Variants in FAM81B observed in about 807,000 individuals in gnomAD.
The protein encoded by FAM81B is protein FAM81B.
FAM81B carries 60 observed loss-of-function variants against 58.7 expected under a neutral mutation model. The ratio of observed to expected loss-of-function variants is 1.02; its 90% CI spans 0.83 to 1.27. FAM81B has a LOEUF of 1.27. Ranked by LOEUF, FAM81B falls within the 50% of genes most tolerant of loss-of-function variation. The pLI is 0.00. For missense variants in FAM81B, 491 were observed against 522.0 expected (o/e 0.94, Z 0.58); for synonymous variants, 189 against 179.6 (o/e 1.05, Z -0.42).
At chr5:95,411,602 T>C (rs1236530047) in intron 3 of FAM81B, among the ~76,000 whole-genome samples, 2 of 152,218 alleles carry the variant, frequency 1.3e-5, no homozygotes, top group African/African-American at 4.8e-5. Context: ...CAACCAGCTT[T>C]ATAACTGTAG....
At chr5:95,414,720 C>T (rs1762493420) in intron 4 of FAM81B, among the ~76,000 whole-genome samples, 1 of 152,182 alleles carries the variant, frequency 6.6e-6, no homozygotes, top group Admixed American at 6.5e-5. Context: ...TCATCTTCCC[C>T]TAGATATTCC....
intron 5 of FAM81B, among the ~76,000 whole-genome samples, chr5:95,427,178 G>A (rs962984079): frequency 6.6e-6 from 1 of 152,184 alleles, no homozygotes; most frequent in African/African-American, 2.4e-5. Context: ...CCCTGAGGGT[G>A]GGAAACAAAA....
intron 6 of FAM81B, among the ~76,000 whole-genome samples, chr5:95,436,440 T>C (rs1745104402): frequency 6.6e-6 from 1 of 152,192 alleles, no homozygotes; most frequent in African/African-American, 2.4e-5. Context: ...TATCTTGTAT[T>C]GTAACGGGAG....
chr5:95,400,857 T>A (rs1037625145), intron 3 of FAM81B, among the ~76,000 whole-genome samples: 2 of 151,956 alleles, frequency 1.3e-5, no homozygotes, highest in Non-Finnish European at 2.9e-5. Context: ...GAGATAGAAC[T>A]TGAACCCAAG....
intron 6 of FAM81B, among the ~76,000 whole-genome samples, chr5:95,432,835 A>G (rs1744956528): frequency 6.6e-6 from 1 of 151,932 alleles, no homozygotes; most frequent in African/African-American, 2.4e-5. Context: ...AAATCCTTTT[A>G]TATATTTTTT....
intron 9 of FAM81B, among the ~76,000 whole-genome samples, chr5:95,449,312 T>A (rs1424135238): frequency 2.0e-5 from 3 of 152,160 alleles, no homozygotes; most frequent in Admixed American, 2.0e-4. Context: ...CCTCACAATA[T>A]ACCCCTCCCA....
chr5:95,399,660 G>A (rs909046919), intron 3 of FAM81B, among the ~76,000 whole-genome samples: 1 of 152,140 alleles, frequency 6.6e-6, no homozygotes, highest in Admixed American at 6.5e-5. Flanking sequence ...GCTCAAGCGT[G>A]AGAACTCCAC....
chr5:95,420,386 C>T lies in FAM81B; in HGVS notation c.640C>T (p.Arg214Ter), dbSNP rs201323524. Residue 214 changes from arginine to a stop codon, truncating the protein, a stop_gained, in exon 5 of 10, where the codon CGA (arginine) becomes TGA (stop). Coordinates refer to ENST00000283357, the MANE Select transcript of FAM81B (RefSeq NM_152548.3). LOFTEE classifies it high-confidence loss of function. ...ACACCTACAAGGAGTTGGAGATCTT[C>T]GAGGAAGAGTAGCCAGGTGAGAAGA... The part of the protein sequence containing the change: ...IKHLQGVGDL[R>*]GRVARCDSSI... 5.3e-5 allele frequency: 85 copies of T among 1,613,594 alleles called. No homozygotes were observed. The African/African-American group carries it at 7.9e-4, about 15-fold the overall frequency.
At chr5:95,440,464 G>A (rs1329560791) in intron 7 of FAM81B, 5 of 635,846 alleles carry the variant, frequency 7.9e-6, no homozygotes, top group Admixed American at 5.6e-5. Context: ...ACAGGATGCA[G>A]TTGCTAAGGC....
intron 3 of FAM81B, among the ~76,000 whole-genome samples, chr5:95,409,085 T>A (rs1762340679): frequency 6.6e-6 from 1 of 152,246 alleles, no homozygotes; most frequent in Non-Finnish European, 1.5e-5. Flanking sequence ...ATTGATTACA[T>A]GTTACAATGA....
intron 3 of FAM81B, 39 bp downstream of exon 3, chr5:95,396,214 G>C (rs1761963062): frequency 6.9e-7 from 1 of 1,459,424 alleles, no homozygotes; most frequent in Non-Finnish European, 9.4e-7. Context: ...ACTATTAACT[G>C]CATTTATTGT....
In FAM81B at chr5:95,419,107, C is replaced by A. The variant is rs888344763; in HGVS notation, c.538-1177C>A. On this transcript the variant is annotated intron_variant, in intron 4 of 9. Transcript: ENST00000283357. ...TCACTGTCTTTACCAAAACAGAAAA[C>A]AAAATACCTGCATACATGCAAAAAG... Among the ~76,000 whole-genome samples, 18 of 152,030 alleles carry A rather than the reference C, an allele frequency of 1.2e-4. 1 individual carries two copies. Among genetic ancestry groups the A allele is most frequent in the Admixed American group, 9.2e-4 (14 of 15,276 alleles).
rs746583579 is a variant in FAM81B, at chr5:95,436,879, G to A, written c.866G>A (p.Arg289His). The A allele has an allele frequency of 2.0e-5, 32 of 1,613,570 alleles. No individual in the cohort carries two copies. Among genetic ancestry groups the A allele is most frequent in the South Asian group, 4.4e-5 (4 of 91,072 alleles). ...TTAAAGATGGTCCAGGGGGATTATC[G>A]CCACGAAATGAACCTTTTGGAATTC... is the stretch of plus-strand genomic sequence containing the variant. ...SNLKMVQGDY[R>H]HEMNLLEFKF... Residue 289 changes from arginine to histidine, a missense_variant, in exon 7 of 10, where the codon CGC (arginine) becomes CAC (histidine). Arg to His is a conservative substitution (Grantham distance 29). Transcript: ENST00000283357.
intron 3 of FAM81B, among the ~76,000 whole-genome samples, chr5:95,405,354 TCA>T (rs1306006288): frequency 6.6e-6 from 1 of 152,230 alleles, no homozygotes; most frequent in Non-Finnish European, 1.5e-5. Flanking sequence ...GTAAATTTCC[TCA>T]GTCTGGTCTT....
chr5:95,432,780 C>T (rs1181940256), intron 6 of FAM81B, among the ~76,000 whole-genome samples: 1 of 151,468 alleles, frequency 6.6e-6, no homozygotes, highest in Admixed American at 6.6e-5. Context: ...TTTTTTTCCC[C>T]CTTGATTAGG....
intron 6 of FAM81B, among the ~76,000 whole-genome samples, chr5:95,436,233 C>G (rs1056770587): frequency 5.9e-4 from 90 of 152,164 alleles, no homozygotes; most frequent in African/African-American, 2.1e-3. Context: ...TTTTTCCTAT[C>G]CTTAAATGCC....
intron 5 of FAM81B, among the ~76,000 whole-genome samples, chr5:95,427,474 A>T (rs1762878608): frequency 6.6e-6 from 1 of 152,122 alleles, no homozygotes; most frequent in Non-Finnish European, 1.5e-5. Flanking sequence ...TACTAAAGGG[A>T]TACCTTTAGT....
rs148152059 is a variant in FAM81B, at chr5:95,415,843, C to T, written c.537+1653C>T. On this transcript the variant is annotated intron_variant, in intron 4 of 9. Transcript: ENST00000283357. The stretch of plus-strand genomic sequence containing the variant: ...GCCCAGATGTACACTTTGACTTGTG[C>T]GTTCAATACATATTATACCCCAGTA... Among the ~76,000 whole-genome samples, 286 of 152,180 alleles carry T rather than the reference C, an allele frequency of 1.9e-3. 1 individual carries two copies. The highest frequency in any genetic ancestry group is 6.6e-3 in the African/African-American group (274 of 41,526).
intron 4 of FAM81B, among the ~76,000 whole-genome samples, chr5:95,415,401 T>G (rs1383759369): frequency 2.6e-5 from 4 of 152,226 alleles, no homozygotes. Flanking sequence ...AGGATATTGA[T>G]TAATTCATTT....
Sources: gnomAD v4.1 joint callset for allele counts (sites outside exome capture counted in the v4.1 genomes callset) on GRCh38, gnomAD v4.1.1 for gene constraint, MANE v1.5 for transcripts, NCBI Gene and HGNC (gene_info 2026-07-23, HGNC 2026-07-21) for gene names.